Variants in GALNT13 observed in about 807,000 individuals in gnomAD.
The protein encoded by GALNT13 is polypeptide N-acetylgalactosaminyltransferase 13.
GALNT13 carries 28 observed loss-of-function variants against 64.2 expected under a neutral mutation model. That is an observed-to-expected ratio of 0.44 (90% CI 0.32 to 0.60). The LOEUF (loss-of-function observed/expected upper bound fraction) is 0.60, where lower values mean the gene tolerates loss of function less well. Ranked by LOEUF, GALNT13 falls within the 20% of genes least tolerant of loss-of-function variation. The pLI, the probability that GALNT13 is intolerant of heterozygous loss-of-function variation, is 0.05. For synonymous variants in GALNT13, 214 were observed against 224.6 expected (o/e 0.95, Z 0.42); for missense variants, 577 against 669.8 (o/e 0.86, Z 1.53).
chr2:153,363,225 G>A, the GALNT13 span, among the ~76,000 whole-genome samples: 3 of 152,018 alleles, frequency 2.0e-5, no homozygotes, highest in Non-Finnish European at 2.9e-5. Flanking sequence ...CCGAGACACT[G>A]CTAAAGCAGT....
the GALNT13 span, among the ~76,000 whole-genome samples, chr2:153,649,481 T>C: frequency 0.84 from 101,096 of 120,314 alleles, 41,896 homozygotes; most frequent in Middle Eastern, 0.88. Context: ...CTGCTCTGAT[T>C]TTAGTTATTT....
At chr2:154,423,963 A>G (rs1231939773) in intron 11 of GALNT13, among the ~76,000 whole-genome samples, 2 of 152,210 alleles carry the variant, frequency 1.3e-5, no homozygotes, top group East Asian at 3.8e-4. Flanking sequence ...CCCCAACCCT[A>G]GACCCCTAAT....
At chr2:153,990,958 T>G (rs945177825) in intron 3 of GALNT13, among the ~76,000 whole-genome samples, 3 of 152,178 alleles carry the variant, frequency 2.0e-5, no homozygotes, top group African/African-American at 7.2e-5. Context: ...GCAAATTGAC[T>G]TTCATTTGGG....
the GALNT13 span, among the ~76,000 whole-genome samples, chr2:153,394,172 A>G: frequency 5.3e-5 from 8 of 152,138 alleles, no homozygotes; most frequent in African/African-American, 1.9e-4. Context: ...AGAGAAATGT[A>G]GCCTGTAGAG....
chr2:153,359,974 T>C, the GALNT13 span, among the ~76,000 whole-genome samples: 3 of 152,154 alleles, frequency 2.0e-5, no homozygotes, highest in Non-Finnish European at 4.4e-5. Flanking sequence ...CATCAGTGAA[T>C]TTGCAGCAAG....
the GALNT13 span, among the ~76,000 whole-genome samples, chr2:153,691,699 C>T: frequency 2.1e-3 from 321 of 152,178 alleles, 2 homozygotes; most frequent in African/African-American, 6.8e-3. Context: ...TCCCACTATA[C>T]ACATACCAGA....
chr2:154,103,324 A>AATT (rs1186232214), intron 3 of GALNT13, among the ~76,000 whole-genome samples: 1 of 152,112 alleles, frequency 6.6e-6, no homozygotes, highest in African/African-American at 2.4e-5. Context: ...TCCTATAGTG[A>AATT]ATTTTCCATT....
the GALNT13 span, among the ~76,000 whole-genome samples, chr2:153,138,012 C>G: frequency 6.6e-6 from 1 of 152,108 alleles, no homozygotes; most frequent in East Asian, 1.9e-4. Context: ...GACCCTCACA[C>G]AGTGCTTAGT....
chr2:154,428,957 A>G (rs1194954894), intron 11 of GALNT13, among the ~76,000 whole-genome samples: 1 of 151,932 alleles, frequency 6.6e-6, no homozygotes, highest in East Asian at 1.9e-4. Context: ...GGTGCTGCAA[A>G]CTGTACCTAT....
At chr2:153,684,564 C>A in the GALNT13 span, among the ~76,000 whole-genome samples, 1 of 151,636 alleles carries the variant, frequency 6.6e-6, no homozygotes, top group African/African-American at 2.4e-5. Context: ...TTTATTTGGC[C>A]ACAATGATTC....
chr2:154,243,385 G>C (rs116201957), intron 6 of GALNT13, among the ~76,000 whole-genome samples: 2,406 of 151,916 alleles, frequency 0.016, 27 homozygotes, highest in Non-Finnish European at 0.023. Flanking sequence ...TAAACTACAC[G>C]AGCACCCTTA....
chr2:154,123,846 C>T (rs944832608), intron 3 of GALNT13, among the ~76,000 whole-genome samples: 7 of 152,006 alleles, frequency 4.6e-5, no homozygotes, highest in Non-Finnish European at 1.0e-4. Context: ...AGGCATATAT[C>T]AGCAGGTCTG....
At chr2:154,233,770 A>G (rs1291519798) in intron 4 of GALNT13, among the ~76,000 whole-genome samples, 16 of 152,134 alleles carry the variant, frequency 1.1e-4, no homozygotes, top group Admixed American at 1.0e-3. Context: ...AACCAGACAG[A>G]ACAATAGAGT....
chr2:153,789,558 C>T, the GALNT13 span, among the ~76,000 whole-genome samples: 1 of 152,042 alleles, frequency 6.6e-6, no homozygotes, highest in African/African-American at 2.4e-5. Context: ...CAAACCAACT[C>T]CAAAGCTAAC....
the GALNT13 span, among the ~76,000 whole-genome samples, chr2:153,118,297 G>A: frequency 6.6e-6 from 1 of 152,104 alleles, no homozygotes; most frequent in African/African-American, 2.4e-5. Flanking sequence ...TTCTTGCAAT[G>A]CACTGTGCTA....
At chr2:153,758,500 T>G in the GALNT13 span, among the ~76,000 whole-genome samples, 1 of 152,192 alleles carries the variant, frequency 6.6e-6, no homozygotes, top group African/African-American at 2.4e-5. Context: ...TATATAAATT[T>G]TAGTTATTTT....
At chr2:153,728,786 A>G in the GALNT13 span, among the ~76,000 whole-genome samples, 1 of 152,158 alleles carries the variant, frequency 6.6e-6, no homozygotes. Context: ...AATAGACACA[A>G]TAATAGTGAT....
intron 3 of GALNT13, among the ~76,000 whole-genome samples, chr2:153,967,498 T>C (rs1553460951): frequency 6.6e-6 from 1 of 152,190 alleles, no homozygotes; most frequent in Non-Finnish European, 1.5e-5. Context: ...CTTAATTAAA[T>C]ACACAGTCTT....
the GALNT13 span, among the ~76,000 whole-genome samples, chr2:153,106,580 A>G: frequency 3.9e-5 from 6 of 152,146 alleles, no homozygotes; most frequent in Non-Finnish European, 8.8e-5. Flanking sequence ...ATCCAAGACA[A>G]CTTCACACTC....
Sources: gnomAD v4.1 joint callset for allele counts (sites outside exome capture counted in the v4.1 genomes callset) on GRCh38, gnomAD v4.1.1 for gene constraint, MANE v1.5 for transcripts, NCBI Gene and HGNC (gene_info 2026-07-23, HGNC 2026-07-21) for gene names.